The following ENOX1 variants were observed in gnomAD, a reference collection of about 807,000 sequenced individuals.
The protein encoded by ENOX1 is candidate growth-related and time keeping constitutive hydroquinone (NADH) oxidase.
Under a neutral mutation model 82.5 loss-of-function variants are expected in ENOX1, and 42 were observed. The observed-to-expected ratio is 0.51, with a 90% confidence interval of 0.40 to 0.66. The LOEUF (loss-of-function observed/expected upper bound fraction) is 0.66. ENOX1 is among the 30% of genes least tolerant of loss of function. ENOX1 has a pLI of 0.00. For synonymous variants in ENOX1, 271 were observed against 282.2 expected, an observed-to-expected ratio of 0.96 and a Z score of 0.40; for missense variants, 608 against 811.6, an observed-to-expected ratio of 0.75 and a Z score of 3.05.
At chr13:43,691,727 G>A (rs1409036865) in intron 1 of ENOX1, among the ~76,000 whole-genome samples, 2 of 147,682 alleles carry the variant, frequency 1.4e-5, no homozygotes, top group East Asian at 4.0e-4. Flanking sequence ...CCGAGACAGA[G>A]TCTCTTTCTG....
chr13:43,587,072 GA>G (rs10713584), intron 2 of ENOX1, among the ~76,000 whole-genome samples: 123,050 of 133,182 alleles, frequency 0.92, 57,322 homozygotes, highest in South Asian at 0.99. Context: ...GACTATCTCA[GA>G]AAAAAAAAAA....
chr13:43,493,736 A>G (rs1593476248), intron 2 of ENOX1, among the ~76,000 whole-genome samples: 1 of 152,304 alleles, frequency 6.6e-6, no homozygotes, highest in Admixed American at 6.5e-5. Context: ...TTTCCCTTTC[A>G]TCAGGAGAAG....
At chr13:43,438,762 A>G (rs1280547068) in intron 3 of ENOX1, among the ~76,000 whole-genome samples, 1 of 152,132 alleles carries the variant, frequency 6.6e-6, no homozygotes, top group Non-Finnish European at 1.5e-5. Context: ...CCAAATGCAT[A>G]TGCTTGGTCT....
At chr13:43,557,307 T>C (rs573913953) in intron 2 of ENOX1, among the ~76,000 whole-genome samples, 1 of 152,252 alleles carries the variant, frequency 6.6e-6, no homozygotes, top group East Asian at 1.9e-4. Context: ...GGGGTTTCCA[T>C]AAAGCGGTCT....
intron 1 of ENOX1, among the ~76,000 whole-genome samples, chr13:43,772,261 G>A (rs925546496): frequency 9.2e-5 from 14 of 152,058 alleles, no homozygotes; most frequent in Admixed American, 3.3e-4. Flanking sequence ...AGAAAGTCAC[G>A]GTACTCAAAG....
At chr13:43,325,644 A>T (rs2048068801) in intron 10 of ENOX1, among the ~76,000 whole-genome samples, 1 of 152,234 alleles carries the variant, frequency 6.6e-6, no homozygotes, top group Admixed American at 6.5e-5. Context: ...GAGAACTTTA[A>T]TATTAACATG....
chr13:43,269,299 G>A (rs1277713641), intron 13 of ENOX1, among the ~76,000 whole-genome samples, 171 bp downstream of exon 13: 1 of 152,216 alleles, frequency 6.6e-6, no homozygotes, highest in East Asian at 1.9e-4. Context: ...AGCGATGCTG[G>A]GAATGAGGTT....
intron 1 of ENOX1, among the ~76,000 whole-genome samples, chr13:43,692,692 A>AC (rs1320144655): frequency 6.6e-6 from 1 of 152,228 alleles, no homozygotes; most frequent in African/African-American, 2.4e-5. Flanking sequence ...AAATTTATGT[A>AC]AAATTTTCAA....
chr13:43,485,832 T>C (rs1413611411), intron 2 of ENOX1, among the ~76,000 whole-genome samples: 1 of 152,200 alleles, frequency 6.6e-6, no homozygotes, highest in East Asian at 1.9e-4. Flanking sequence ...TCCCAGCACT[T>C]TGGGAGGCCA....
intron 3 of ENOX1, among the ~76,000 whole-genome samples, chr13:43,419,208 T>C (rs901990752): frequency 1.3e-5 from 2 of 152,114 alleles, no homozygotes; most frequent in African/African-American, 4.8e-5. Flanking sequence ...CAGCTAGGTA[T>C]TGAAAAATCC....
intron 3 of ENOX1, among the ~76,000 whole-genome samples, chr13:43,446,435 C>CT (rs937754975): frequency 3.7e-4 from 54 of 146,894 alleles, no homozygotes; most frequent in East Asian, 1.2e-3. Flanking sequence ...CAAGGATTTC[C>CT]TTTTTTTTTT....
At chr13:43,246,880 A>C (rs554594921) in intron 14 of ENOX1, among the ~76,000 whole-genome samples, 2 of 152,322 alleles carry the variant, frequency 1.3e-5, no homozygotes, top group South Asian at 4.1e-4. Flanking sequence ...AGCCATTCGG[A>C]AGGAATGGAA....
intron 2 of ENOX1, among the ~76,000 whole-genome samples, chr13:43,519,573 C>T (rs781363507): frequency 6.6e-6 from 1 of 152,116 alleles, no homozygotes; most frequent in Non-Finnish European, 1.5e-5. Flanking sequence ...GTAAATTAAT[C>T]TGTCTCACCA....
intron 5 of ENOX1, among the ~76,000 whole-genome samples, chr13:43,364,828 C>T (rs982733682): frequency 1.3e-5 from 2 of 152,086 alleles, no homozygotes; most frequent in Non-Finnish European, 2.9e-5. Flanking sequence ...GCAAAAGAGT[C>T]GGGACACATG....
chr13:43,707,078 A>G (rs2087344674), intron 1 of ENOX1, among the ~76,000 whole-genome samples: 1 of 152,202 alleles, frequency 6.6e-6, no homozygotes, highest in Admixed American at 6.5e-5. Flanking sequence ...CCAATGACAG[A>G]AAGTGAATAT....
At chr13:43,296,005 T>C (rs1312324287) in intron 12 of ENOX1, among the ~76,000 whole-genome samples, 1 of 152,118 alleles carries the variant, frequency 6.6e-6, no homozygotes, top group Non-Finnish European at 1.5e-5. Flanking sequence ...CCTGTCTTGC[T>C]CTTCATGATC....
intron 1 of ENOX1, among the ~76,000 whole-genome samples, chr13:43,686,884 C>T (rs2086104191): frequency 6.6e-6 from 1 of 152,170 alleles, no homozygotes; most frequent in Non-Finnish European, 1.5e-5. Context: ...ACAGCATACT[C>T]TCTCCATCAC....
intron 2 of ENOX1, among the ~76,000 whole-genome samples, chr13:43,583,524 C>A (rs184762849): frequency 6.6e-6 from 1 of 152,102 alleles, no homozygotes; most frequent in African/African-American, 2.4e-5. Context: ...CCTTAACCTC[C>A]GCTAATTTTG....
intron 2 of ENOX1, among the ~76,000 whole-genome samples, chr13:43,518,521 A>G (rs2077642665): frequency 6.6e-6 from 1 of 151,990 alleles, no homozygotes; most frequent in South Asian, 2.1e-4. Context: ...TATTTTAGTT[A>G]CTATAGAACA....
Sources: gnomAD v4.1 joint callset for allele counts (sites outside exome capture counted in the v4.1 genomes callset) on GRCh38, gnomAD v4.1.1 for gene constraint, MANE v1.5 for transcripts, NCBI Gene and HGNC (gene_info 2026-07-23, HGNC 2026-07-21) for gene names.